RAB28: variants seen among roughly 807,000 people sequenced by gnomAD.
RAB28 encodes RAB28, member RAS oncogene family.
Under a neutral mutation model 31.7 loss-of-function variants are expected in RAB28, and 24 were observed. The ratio of observed to expected loss-of-function variants is 0.76; its 90% CI spans 0.55 to 1.06. RAB28 has a LOEUF of 1.06. Ranked by LOEUF, RAB28 falls within the 50% of genes least tolerant of loss-of-function variation. The pLI is 0.00. For synonymous variants in RAB28, 100 were observed against 90.4 expected (o/e 1.11, Z -0.60); for missense variants, 254 against 258.5 (o/e 0.98, Z 0.12).
At chr4:13,457,624 A>AG (rs1715367682) in intron 4 of RAB28, among the ~76,000 whole-genome samples, 2 of 151,770 alleles carry the variant, frequency 1.3e-5, no homozygotes, top group African/African-American at 4.8e-5. Context: ...AAAAAAAAAA[A>AG]CCTCTTGTCT....
chr4:13,454,041 T>C (rs1438693969), intron 4 of RAB28, among the ~76,000 whole-genome samples: 2 of 152,090 alleles, frequency 1.3e-5, no homozygotes, highest in East Asian at 1.9e-4. Flanking sequence ...CTTTTTTTAG[T>C]TATTTATTTT....
chr4:13,424,284 T>C (rs1713348609), intron 4 of RAB28, among the ~76,000 whole-genome samples: 2 of 152,224 alleles, frequency 1.3e-5, no homozygotes, highest in South Asian at 4.1e-4. Flanking sequence ...AAGTGCCATC[T>C]GAAGGCTCTA....
chr4:13,417,541 A>C (rs1712860060), intron 4 of RAB28, among the ~76,000 whole-genome samples: 1 of 152,192 alleles, frequency 6.6e-6, no homozygotes, highest in African/African-American at 2.4e-5. Flanking sequence ...CGAAGCTTAC[A>C]GAGGAAGGAT....
intron 3 of RAB28, 61 bp from the exon 4 acceptor site, chr4:13,460,889 A>T: frequency 6.7e-7 from 1 of 1,486,986 alleles, no homozygotes; most frequent in East Asian, 2.3e-5. Flanking sequence ...ATCTTAATGA[A>T]TACTTGCGTA....
chr4:13,391,266 AAAG>A (rs1729616304), intron 4 of RAB28, among the ~76,000 whole-genome samples: 1 of 152,230 alleles, frequency 6.6e-6, no homozygotes, highest in Non-Finnish European at 1.5e-5. Flanking sequence ...GATACTCTCA[AAAG>A]AAGACATTTA....
intron 4 of RAB28, among the ~76,000 whole-genome samples, chr4:13,392,858 A>C (rs1194977873): frequency 1.3e-5 from 2 of 152,260 alleles, no homozygotes; most frequent in Non-Finnish European, 2.9e-5. Flanking sequence ...TGTAAACAAT[A>C]AATATAGTGA....
At chr4:13,396,232 A>C (rs1463872008) in intron 4 of RAB28, among the ~76,000 whole-genome samples, 1 of 152,080 alleles carries the variant, frequency 6.6e-6, no homozygotes, top group African/African-American at 2.4e-5. Context: ...TTTTTAGGTT[A>C]TCAGGGAAAC....
At chr4:13,438,572 T>C (rs1714255300) in intron 4 of RAB28, among the ~76,000 whole-genome samples, 1 of 152,194 alleles carries the variant, frequency 6.6e-6, no homozygotes, top group African/African-American at 2.4e-5. Context: ...ATAATAATCT[T>C]TCCAAGATTC....
intron 6 of RAB28, among the ~76,000 whole-genome samples, chr4:13,373,935 G>GTA (rs1422160475): frequency 1.3e-5 from 2 of 149,326 alleles, no homozygotes; most frequent in Non-Finnish European, 2.9e-5. Context: ...GTATGTGTGT[G>GTA]TATATATATG....
intron 4 of RAB28, among the ~76,000 whole-genome samples, chr4:13,410,512 G>A (rs1712376477): frequency 6.6e-6 from 1 of 151,980 alleles, no homozygotes; most frequent in Non-Finnish European, 1.5e-5. Flanking sequence ...TAGAAAGTTT[G>A]CTTTCAAGAT....
chr4:13,425,923 G>A (rs907887230), intron 4 of RAB28, among the ~76,000 whole-genome samples: 1 of 152,020 alleles, frequency 6.6e-6, no homozygotes, highest in East Asian at 1.9e-4. Flanking sequence ...AGCACTTTGA[G>A]GTACTACTTC....
intron 4 of RAB28, among the ~76,000 whole-genome samples, chr4:13,430,207 C>G (rs1713738264): frequency 6.6e-6 from 1 of 151,778 alleles, no homozygotes; most frequent in Admixed American, 6.6e-5. Flanking sequence ...CAAAAGAGAA[C>G]AAGGAGCAGA....
At chr4:13,374,314 T>C (rs538209288) in intron 6 of RAB28, among the ~76,000 whole-genome samples, 87 of 152,184 alleles carry the variant, frequency 5.7e-4, no homozygotes, top group African/African-American at 2.1e-3. Flanking sequence ...ACACATCTAA[T>C]ATCTCTTTAT....
At chr4:13,452,564 T>C (rs1245302905) in intron 4 of RAB28, among the ~76,000 whole-genome samples, 1 of 152,112 alleles carries the variant, frequency 6.6e-6, no homozygotes, top group Non-Finnish European at 1.5e-5. Context: ...TTCCATTTAT[T>C]TGTATAGTTT....
At chr4:13,464,665 C>T (rs1715757240) in intron 3 of RAB28, among the ~76,000 whole-genome samples, 1 of 152,096 alleles carries the variant, frequency 6.6e-6, no homozygotes, top group Non-Finnish European at 1.5e-5. Context: ...GAATCAATGC[C>T]TCTGGCACCC....
chr4:13,367,818 T>C lies in RAB28; in HGVS notation c.*740A>G, dbSNP rs916453358. The C allele has an allele frequency of 6.0e-5, 59 of 984,936 alleles. No individual in the cohort carries two copies. The South Asian group carries it at 8.9e-4, about 15-fold the overall frequency. The allele number at this position is 984,936 out of a possible 1,614,324, so 61.0% of individuals were successfully genotyped here. A position where few individuals can be genotyped will look rare whatever the true frequency, so the allele number is the denominator to read the frequency against. On this transcript the variant is annotated 3_prime_UTR_variant, in exon 7 of 7. Transcript: ENST00000330852. ...TAACTCATTCTCGGGAGTACTCTTA[T>C]GCAGTTTGCAAGAGAAATTCCACGT...
chr4:13,408,237 G>T (rs750029976), intron 4 of RAB28, among the ~76,000 whole-genome samples: 1 of 152,128 alleles, frequency 6.6e-6, no homozygotes, highest in Admixed American at 6.5e-5. Flanking sequence ...GTTGAATTTT[G>T]TCAAAGGCCT....
intron 4 of RAB28, among the ~76,000 whole-genome samples, chr4:13,450,105 T>G (rs1197998483): frequency 6.6e-6 from 1 of 151,880 alleles, no homozygotes. Context: ...TCCACTTCAT[T>G]TCAATTATAC....
chr4:13,438,897 A>G (rs1209442361), intron 4 of RAB28, among the ~76,000 whole-genome samples: 1 of 152,128 alleles, frequency 6.6e-6, no homozygotes, highest in Non-Finnish European at 1.5e-5. Context: ...CTACTGGACA[A>G]TATATGAGGG....
Sources: allele counts gnomAD v4.1 joint callset (sites outside exome capture counted in the v4.1 genomes callset), GRCh38; gene constraint gnomAD v4.1.1; transcripts MANE v1.5; gene names NCBI Gene and HGNC (gene_info 2026-07-23, HGNC 2026-07-21).